The following INPP4B variants were observed in gnomAD, a reference collection of about 807,000 sequenced individuals.
INPP4B encodes the protein inositol polyphosphate 4-phosphatase type II.
A neutral mutation model predicts 122.5 loss-of-function variants in INPP4B; 55 were observed. The ratio of observed to expected loss-of-function variants is 0.45; its 90% CI spans 0.36 to 0.56. INPP4B has a LOEUF of 0.56. Among genes scored for constraint, INPP4B ranks in the 20% least tolerant of loss-of-function variants. The pLI is 0.00. For missense variants in INPP4B, 1,000 were observed against 1,097.7 expected (o/e 0.91, Z 1.26); for synonymous variants, 403 against 388.7 (o/e 1.04, Z -0.43).
chr4:142,082,541 A>G (rs574869935), intron 24 of INPP4B, among the ~76,000 whole-genome samples: 2 of 152,224 alleles, frequency 1.3e-5, no homozygotes, highest in Non-Finnish European at 2.9e-5. Context: ...CCATCATTGT[A>G]AAGAGGAAAA....
At position 142,145,973 on chromosome 4, in the gene INPP4B, C is replaced by T. The variant is rs140092634; in HGVS notation, c.1587G>A (p.Gly529=). The change falls in exon 18 of 26, where the codon GGG becomes GGA. Residue 529 remains glycine, a synonymous_variant. Coordinates refer to ENST00000262992, the MANE Select transcript of INPP4B (RefSeq NM_001101669.3). ...EEWDRVWANV[G]KSLNCIIAMV... is the part of the protein sequence containing the mutation. ...TAGCAATAATGCAGTTCAGGCTCTT[C>T]CCCACATTGGCCCACACCCTGTCCT... 7.4e-6 allele frequency: 12 copies of T among 1,613,460 alleles called. No homozygotes were observed. Among genetic ancestry groups the T allele is most frequent in the East Asian group, 6.7e-5 (3 of 44,874 alleles).
At chr4:142,541,926 C>A (rs1828993673) in intron 2 of INPP4B, among the ~76,000 whole-genome samples, 2 of 152,250 alleles carry the variant, frequency 1.3e-5, no homozygotes, top group African/African-American at 2.4e-5. Context: ...CACTACCCAC[C>A]ACCCACTAGC....
intron 2 of INPP4B, among the ~76,000 whole-genome samples, chr4:142,533,120 T>C (rs902647965): frequency 6.6e-6 from 1 of 152,202 alleles, no homozygotes; most frequent in Non-Finnish European, 1.5e-5. Flanking sequence ...TGAAATGTGA[T>C]TATGGCATTC....
chr4:142,087,889 A>G (rs1261998322), intron 23 of INPP4B, among the ~76,000 whole-genome samples: 2 of 152,186 alleles, frequency 1.3e-5, no homozygotes, highest in African/African-American at 4.8e-5. Context: ...AAATAATCAT[A>G]TCTCATCTTG....
chr4:142,202,423 G>C (rs1841032052), intron 14 of INPP4B, among the ~76,000 whole-genome samples: 1 of 152,038 alleles, frequency 6.6e-6, no homozygotes, highest in South Asian at 2.1e-4. Flanking sequence ...AGCCTTTAGG[G>C]ATTTTTAAGG....
intron 2 of INPP4B, among the ~76,000 whole-genome samples, chr4:142,669,346 C>G (rs1756647078): frequency 6.6e-6 from 1 of 152,014 alleles, no homozygotes; most frequent in Non-Finnish European, 1.5e-5. Flanking sequence ...CAAAGACCCC[C>G]AGTAGCCAAA....
At chr4:142,676,187 A>G (rs900818641) in intron 2 of INPP4B, among the ~76,000 whole-genome samples, 2 of 152,224 alleles carry the variant, frequency 1.3e-5, no homozygotes, top group African/African-American at 4.8e-5. Context: ...AATCACAAGC[A>G]TTCCTATACA....
At chr4:142,610,172 A>G (rs908878528) in intron 2 of INPP4B, among the ~76,000 whole-genome samples, 1 of 152,142 alleles carries the variant, frequency 6.6e-6, no homozygotes, top group African/African-American at 2.4e-5. Context: ...TTCTCATGGT[A>G]GTAAATAAGT....
At chr4:142,521,790 C>T (rs867639708) in intron 2 of INPP4B, among the ~76,000 whole-genome samples, 1 of 152,164 alleles carries the variant, frequency 6.6e-6, no homozygotes, top group Middle Eastern at 3.4e-3. Flanking sequence ...TGTGAATTAA[C>T]TAGTCTTACT....
At chr4:142,204,547 C>G (rs148752266) in intron 14 of INPP4B, among the ~76,000 whole-genome samples, 2 of 151,822 alleles carry the variant, frequency 1.3e-5, no homozygotes, top group Non-Finnish European at 2.9e-5. Flanking sequence ...TTTACTTGTA[C>G]CTCGCAAGAA....
At chr4:142,618,782 G>T (rs1407152126) in intron 2 of INPP4B, among the ~76,000 whole-genome samples, 2 of 151,748 alleles carry the variant, frequency 1.3e-5, no homozygotes, top group Admixed American at 1.3e-4. Flanking sequence ...TCAACAAAAT[G>T]AAAAGACAAT....
chr4:142,607,666 T>G (rs1363304782), intron 2 of INPP4B, among the ~76,000 whole-genome samples: 1 of 152,176 alleles, frequency 6.6e-6, no homozygotes, highest in African/African-American at 2.4e-5. Context: ...GTGTACAGAT[T>G]TATAGTACTT....
chr4:142,040,039 G>C (rs922467730), intron 25 of INPP4B, among the ~76,000 whole-genome samples: 5 of 151,790 alleles, frequency 3.3e-5, no homozygotes, highest in Non-Finnish European at 5.9e-5. Context: ...TGCGGGTTGG[G>C]GGGGTAATAC....
At chr4:142,692,684 C>G (rs138418288) in intron 2 of INPP4B, among the ~76,000 whole-genome samples, 8 of 152,164 alleles carry the variant, frequency 5.3e-5, no homozygotes, top group Non-Finnish European at 1.0e-4. Flanking sequence ...GGAAGAACAA[C>G]GGAGACACTC....
rs1561055088 is a variant in INPP4B at position 142,775,420 on chromosome 4, T to G, written c.-253-49519A>C. On this transcript the variant is annotated intron_variant, in intron 1 of 25. Coordinates refer to ENST00000262992, the MANE Select transcript of INPP4B (RefSeq NM_001101669.3). ...TGCCATTTATTTACTTATTAAATCA[T>G]TTATTATATCCATATGGATATGTTG... Among the ~76,000 whole-genome samples, 3 of 152,276 alleles carry G rather than the reference T, an allele frequency of 2.0e-5. No homozygotes were observed. The East Asian group carries it at 5.8e-4, about 29-fold the overall frequency.
chr4:142,821,747 G>C (rs1780819729), intron 1 of INPP4B, among the ~76,000 whole-genome samples: 1 of 152,128 alleles, frequency 6.6e-6, no homozygotes, highest in African/African-American at 2.4e-5. Flanking sequence ...ATTGTGGAGA[G>C]AACACAGGCT....
At chr4:142,412,807 C>G (rs1804884714) in intron 5 of INPP4B, among the ~76,000 whole-genome samples, 2 of 151,890 alleles carry the variant, frequency 1.3e-5, no homozygotes, top group South Asian at 4.1e-4. Flanking sequence ...TGACATTATT[C>G]TTTTTTCTTC....
At chr4:142,475,675 T>C (rs910613807) in intron 2 of INPP4B, among the ~76,000 whole-genome samples, 3 of 152,020 alleles carry the variant, frequency 2.0e-5, no homozygotes, top group African/African-American at 7.3e-5. Flanking sequence ...AAGTCAAAAA[T>C]CCACTTCAAC....
chr4:142,425,225 C>T (rs1414155727), intron 5 of INPP4B: 1 of 152,036 alleles, frequency 6.6e-6, no homozygotes, highest in Non-Finnish European at 1.5e-5. Context: ...CAGCAGCATC[C>T]AATCACCAGG....
Sources: allele counts gnomAD v4.1 joint callset (sites outside exome capture counted in the v4.1 genomes callset), GRCh38; gene constraint gnomAD v4.1.1; transcripts MANE v1.5; gene names NCBI Gene and HGNC (gene_info 2026-07-23, HGNC 2026-07-21).